Variants in SLC39A14 observed in about 807,000 individuals in gnomAD.
The protein encoded by SLC39A14 is solute carrier family 39 member 14.
Under a neutral mutation model 45.5 loss-of-function variants are expected in SLC39A14, and 19 were observed. The observed-to-expected ratio is 0.42, with a 90% CI of 0.29 to 0.61. SLC39A14 has a LOEUF of 0.61. Among genes scored for constraint, SLC39A14 ranks in the 20% least tolerant of loss-of-function variants. The pLI, the probability that SLC39A14 is intolerant of heterozygous loss-of-function variation, is 0.22. For missense variants in SLC39A14, 447 were observed against 616.5 expected (o/e 0.73, Z 2.91); for synonymous variants, 264 against 251.3 (o/e 1.05, Z -0.48).
intron 1 of SLC39A14, among the ~76,000 whole-genome samples, chr8:22,399,651 G>A (rs541953068): frequency 1.7e-4 from 26 of 152,366 alleles, no homozygotes; most frequent in Admixed American, 1.2e-3. Context: ...TGGGAGAAGC[G>A]AAGGTGGTCC....
intron 1 of SLC39A14, among the ~76,000 whole-genome samples, chr8:22,381,933 G>C (rs970935603): frequency 6.6e-6 from 1 of 152,136 alleles, no homozygotes; most frequent in African/African-American, 2.4e-5. Flanking sequence ...CTGAGATCAG[G>C]AGTCCGAGAC....
intron 8 of SLC39A14, among the ~76,000 whole-genome samples, chr8:22,418,243 A>G (rs1836007399): frequency 6.6e-6 from 1 of 152,112 alleles, no homozygotes; most frequent in South Asian, 2.1e-4. Flanking sequence ...GCTTTCTTTC[A>G]CATACCACAG....
intron 1 of SLC39A14, among the ~76,000 whole-genome samples, chr8:22,392,410 T>C (rs910250796): frequency 1.3e-5 from 2 of 152,134 alleles, no homozygotes; most frequent in African/African-American, 4.8e-5. Context: ...TGTTGTCCAG[T>C]GATTTGGCCA....
At chr8:22,394,824 A>G (rs916312200) in intron 1 of SLC39A14, among the ~76,000 whole-genome samples, 5 of 151,998 alleles carry the variant, frequency 3.3e-5, no homozygotes, top group Admixed American at 3.3e-4. Flanking sequence ...GTCTTTACCA[A>G]ATTGTGTGAT....
At chr8:22,396,709 G>GT (rs112051827) in intron 1 of SLC39A14, among the ~76,000 whole-genome samples, 27,979 of 144,700 alleles carry the variant, frequency 0.19, 3,404 homozygotes, top group Non-Finnish European at 0.29. Context: ...CAGGTGCACC[G>GT]TTTTTTTTTT....
At chr8:22,419,468 A>G (rs1836094416) in intron 8 of SLC39A14, 84 bp from the exon 9 acceptor site, 1 of 1,374,836 alleles carries the variant, frequency 7.3e-7, no homozygotes, top group Non-Finnish European at 1.0e-6. Flanking sequence ...AACCAACCTG[A>G]TCTATATCTC....
intron 5 of SLC39A14, chr8:22,415,470 A>C: frequency 3.2e-6 from 1 of 316,804 alleles, no homozygotes; most frequent in East Asian, 8.6e-5. Context: ...ATTTATATAT[A>C]TAGATATTAG....
At chr8:22,432,381 C>CTTCT (rs202180684) in intron 8 of SLC39A14, among the ~76,000 whole-genome samples, 46,320 of 151,514 alleles carry the variant, frequency 0.31, 7,324 homozygotes, top group East Asian at 0.5. Flanking sequence ...AAAGTGCTTC[C>CTTCT]TTCTTTTTCT....
chr8:22,425,028 CAAAA>C (rs71544902), downstream of SLC39A14, among the ~76,000 whole-genome samples: 38 of 74,348 alleles, frequency 5.1e-4, no homozygotes, highest in Admixed American at 2.2e-3. Flanking sequence ...GACTCCGTCT[CAAAA>C]AAAAAAAAAA....
intron 1 of SLC39A14, among the ~76,000 whole-genome samples, chr8:22,371,416 T>TAAA (rs370150138): frequency 6.1e-5 from 1 of 16,416 alleles, no homozygotes; most frequent in African/African-American, 1.1e-3. Flanking sequence ...ATACATGTCT[T>TAAA]TTTTTTTTTT....
rs748867091 is a variant in SLC39A14, at chr8:22,415,917, T to C, written c.899T>C (p.Met300Thr). ...CSSELDGKAP[M>T]VDEKVIVGSL... ...AGTGAGCTGGACGGCAAGGCGCCCA[T>C]GGTGGACGAGAAGGTCATTGTGGGC... Residue 300 changes from methionine (M) to threonine (T), a missense_variant, in exon 6 of 9, where the codon ATG becomes ACG. Transcript: ENST00000381237. The C allele has an allele frequency of 3.7e-6, 6 of 1,608,860 alleles. No homozygotes were observed. The highest frequency in any genetic ancestry group is 2.7e-5 in the African/African-American group (2 of 74,622).
At chr8:22,410,509 T>C (rs571716793) in intron 3 of SLC39A14, among the ~76,000 whole-genome samples, 1 of 149,480 alleles carries the variant, frequency 6.7e-6, no homozygotes, top group African/African-American at 2.5e-5. Context: ...ACCAAGAGCT[T>C]ATCCATCTGG....
intron 1 of SLC39A14, among the ~76,000 whole-genome samples, chr8:22,376,793 G>A (rs529437233): frequency 2.0e-5 from 3 of 152,100 alleles, no homozygotes; most frequent in East Asian, 1.9e-4. Context: ...CAGGAGAATC[G>A]CTTGAACCTG....
At chr8:22,382,121 A>G (rs1349369301) in intron 1 of SLC39A14, among the ~76,000 whole-genome samples, 5 of 152,084 alleles carry the variant, frequency 3.3e-5, no homozygotes, top group Non-Finnish European at 5.9e-5. Flanking sequence ...CAGCCTGGGC[A>G]ACAGAGTGAG....
chr8:22,381,033 G>A (rs1345512462), intron 1 of SLC39A14, among the ~76,000 whole-genome samples: 3 of 151,582 alleles, frequency 2.0e-5, no homozygotes, highest in South Asian at 4.2e-4. Context: ...GAGTGCAGTG[G>A]CGCAATCTTG....
At chr8:22,379,588 C>G (rs1479212626) in intron 1 of SLC39A14, 2 of 152,206 alleles carry the variant, frequency 1.3e-5, no homozygotes, top group African/African-American at 4.8e-5. Flanking sequence ...AGCTCGCAGT[C>G]TCTGTCTTTG....
chr8:22,417,989 G>A (rs536594940), intron 8 of SLC39A14, among the ~76,000 whole-genome samples, 154 bp downstream of exon 8: 56 of 151,970 alleles, frequency 3.7e-4, no homozygotes, highest in Non-Finnish European at 2.2e-4. Flanking sequence ...TGCAACCTCC[G>A]CGTCCCGGGT....
rs192069176 is a variant in SLC39A14 at position 22,433,002 on chromosome 8, T to C, written c.1333-889T>C. 2.7e-3 allele frequency among the ~76,000 whole-genome samples: 411 copies of C among 151,914 alleles called. 2 individuals are homozygous for C. Among genetic ancestry groups the C allele is most frequent in the Non-Finnish European group, 5.0e-3 (342 of 67,952 alleles). ...TTTTGGTAAAGATGGGGTCTCCCTA[T>C]GTCATTGCCCAGGCCGGTCTGGAAC... On this transcript the variant is annotated intron_variant, in intron 8 of 8. Transcript: ENST00000240095.
chr8:22,417,207 A>G (rs1260579193), intron 7 of SLC39A14, among the ~76,000 whole-genome samples: 1 of 152,144 alleles, frequency 6.6e-6, no homozygotes, highest in Non-Finnish European at 1.5e-5. Flanking sequence ...TTTTGTTTCC[A>G]TGGTAGTTGT....
Sources: gnomAD v4.1 joint callset for allele counts (sites outside exome capture counted in the v4.1 genomes callset) on GRCh38, gnomAD v4.1.1 for gene constraint, MANE v1.5 for transcripts, NCBI Gene and HGNC (gene_info 2026-07-23, HGNC 2026-07-21) for gene names.